Variants in CSMD2 observed in about 807,000 individuals in gnomAD.
CSMD2 encodes CUB and sushi domain-containing protein 2.
A neutral mutation model predicts 398.5 loss-of-function variants in CSMD2; 130 were observed. The ratio of observed to expected loss-of-function variants is 0.33; its 90% CI spans 0.28 to 0.38. CSMD2 has a LOEUF of 0.38. Among genes scored for constraint, CSMD2 ranks in the 10% least tolerant of loss-of-function variants. The pLI, the probability that CSMD2 is intolerant of heterozygous loss-of-function variation, is 1.00. For synonymous variants in CSMD2, 1,828 were observed against 1,908.5 expected, an observed-to-expected ratio of 0.96 and a Z score of 1.10; for missense variants, 3,829 against 4,764.9, an observed-to-expected ratio of 0.80 and a Z score of 5.78.
chr1:33,601,274 T>C (rs7512323), intron 43 of CSMD2, among the ~76,000 whole-genome samples: 22,163 of 152,130 alleles, frequency 0.15, 1,784 homozygotes, highest in African/African-American at 0.21. Flanking sequence ...TGGGCAAATT[T>C]AGGCTCCATG....
rs1031909568 is a variant in CSMD2, at chr1:33,891,895, G to A, written c.920+26199C>T. On this transcript the variant is annotated intron_variant, in intron 5 of 70. Transcript: ENST00000373381. ...AGGGGAACATCACACTCTGGGGACT[G>A]TTGTGGGGTGGGGGGAGGGGGGAGG... Among the ~76,000 whole-genome samples, 62 of 104,352 alleles carry A rather than the reference G, an allele frequency of 5.9e-4. 2 individuals are homozygous for A. In the South Asian group the frequency reaches 0.02, roughly 34 times the overall value. 68.5% of individuals were successfully genotyped at this position (104,352 alleles called of 152,430 possible). A position where few individuals can be genotyped will look rare whatever the true frequency, so the allele number is the denominator to read the frequency against.
At chr1:34,039,255 G>T (rs1570905983) in intron 2 of CSMD2, among the ~76,000 whole-genome samples, 1 of 152,146 alleles carries the variant, frequency 6.6e-6, no homozygotes, top group Non-Finnish European at 1.5e-5. Context: ...TTGGGTAGCA[G>T]TGAAGGTCAC....
intron 22 of CSMD2, among the ~76,000 whole-genome samples, chr1:33,703,913 T>C (rs760162158): frequency 6.6e-6 from 1 of 152,230 alleles, no homozygotes; most frequent in African/African-American, 2.4e-5. Context: ...TGTAAATCCT[T>C]GATCGCCATT....
At chr1:34,087,848 T>C (rs901937039) in intron 2 of CSMD2, among the ~76,000 whole-genome samples, 1 of 152,062 alleles carries the variant, frequency 6.6e-6, no homozygotes, top group Non-Finnish European at 1.5e-5. Flanking sequence ...CATGAAATAT[T>C]TGTGGAATGA....
intron 5 of CSMD2, among the ~76,000 whole-genome samples, chr1:33,896,493 C>T (rs536649508): frequency 3.3e-5 from 5 of 152,278 alleles, no homozygotes; most frequent in South Asian, 2.1e-4. Flanking sequence ...TTTAAGATTA[C>T]CCCAGCAGTC....
chr1:33,593,807 C>T (rs1470031227), intron 44 of CSMD2, among the ~76,000 whole-genome samples: 2 of 152,144 alleles, frequency 1.3e-5, no homozygotes, highest in Non-Finnish European at 2.9e-5. Flanking sequence ...TTTGTCCCTA[C>T]ATAGTTTCCT....
chr1:33,754,537 T>C (rs1456819405), intron 13 of CSMD2, among the ~76,000 whole-genome samples: 2 of 152,232 alleles, frequency 1.3e-5, no homozygotes, highest in Non-Finnish European at 2.9e-5. Flanking sequence ...AATTTCTTTA[T>C]AACAATGCAA....
intron 66 of CSMD2, 56 bp from the exon 67 acceptor site, chr1:33,523,475 C>G (rs1475200066): frequency 1.2e-6 from 1 of 813,856 alleles, no homozygotes; most frequent in African/African-American, 1.7e-5. Context: ...TTTCAAAACT[C>G]AAATTTGTGG....
At chr1:33,829,872 G>A (rs12061014) in intron 6 of CSMD2, among the ~76,000 whole-genome samples, 119,409 of 152,034 alleles carry the variant, frequency 0.79, 47,740 homozygotes, top group East Asian at 0.94. Flanking sequence ...CACCTAGCTC[G>A]GAGGGTCCTA....
At chr1:33,966,889 A>G (rs1228178907) in intron 3 of CSMD2, among the ~76,000 whole-genome samples, 2 of 152,218 alleles carry the variant, frequency 1.3e-5, no homozygotes, top group African/African-American at 4.8e-5. Flanking sequence ...GCGCCTAGAC[A>G]ACAGCTGGGA....
At chr1:33,530,108 A>C (rs551474520) in intron 64 of CSMD2, among the ~76,000 whole-genome samples, 1 of 152,298 alleles carries the variant, frequency 6.6e-6, no homozygotes, top group Admixed American at 6.5e-5. Flanking sequence ...TCAAACTGAA[A>C]AGCTTCTGCA....
chr1:33,784,283 G>T (rs111816119), intron 12 of CSMD2, among the ~76,000 whole-genome samples: 2 of 152,160 alleles, frequency 1.3e-5, no homozygotes, highest in African/African-American at 4.8e-5. Flanking sequence ...AAACCAGGAG[G>T]TGGAGGTGAT....
intron 1 of CSMD2, among the ~76,000 whole-genome samples, chr1:34,107,403 T>C (rs1660628868): frequency 6.6e-6 from 1 of 152,188 alleles, no homozygotes; most frequent in African/African-American, 2.4e-5. Context: ...TGCCAAGTAC[T>C]GTCCTACGCA....
chr1:34,140,304 A>AAAAAG lies in CSMD2; in HGVS notation c.187+24606_187+24607insCTTTT, dbSNP rs60152920. Reference sequence around the variant, plus strand: ...GGAATCGGCATATGCAAAAAAACAAACAAACAAACAAACAAAAAAAAACCC... The same window carrying AAAAAG: ...GGAATCGGCATATGCAAAAAAACAAAAAAAGCAAACAAACAAACAAAAAAAAACCC... On this transcript the variant is annotated intron_variant, in intron 1 of 70. Coordinates refer to ENST00000373381, the MANE Select transcript of CSMD2 (RefSeq NM_001281956.2). 2.6e-5 allele frequency among the ~76,000 whole-genome samples: 3 copies of AAAAAG among 117,132 alleles called. 1 individual carries two copies. The highest frequency in any genetic ancestry group is 5.8e-5 in the Non-Finnish European group (3 of 52,116). The allele number at this position is 117,132 out of a possible 152,430, so 76.8% of individuals were successfully genotyped here.
intron 5 of CSMD2, among the ~76,000 whole-genome samples, chr1:33,866,097 C>T (rs1007242447): frequency 6.6e-4 from 101 of 152,280 alleles, no homozygotes; most frequent in Non-Finnish European, 2.6e-4. Context: ...TACTCTACTG[C>T]GCTGAACAGT....
intron 37 of CSMD2, among the ~76,000 whole-genome samples, chr1:33,620,203 T>C (rs1641678577): frequency 6.6e-6 from 1 of 152,280 alleles, no homozygotes; most frequent in South Asian, 2.1e-4. Flanking sequence ...TATTGCTCCA[T>C]TTCCATTTAA....
intron 12 of CSMD2, 110 bp downstream of exon 12, chr1:33,788,490 A>G: frequency 1.6e-6 from 1 of 640,300 alleles, no homozygotes; most frequent in South Asian, 1.9e-5. Context: ...CCTGGGCAAC[A>G]GAGTGAGACT....
intron 29 of CSMD2, among the ~76,000 whole-genome samples, chr1:33,645,342 TATACACACACACACACACACACAC>T (rs1341623257): frequency 4.8e-5 from 5 of 104,220 alleles, no homozygotes; most frequent in African/African-American, 1.9e-4. Context: ...TATGGAGCAT[TATACACACACACACACACACACAC>T]ACACACACAC....
rs1252318406 is a variant in CSMD2 at position 33,693,029 on chromosome 1, T to A, written c.3953A>T (p.Glu1318Val). The change falls in exon 25 of 71, where the codon GAG (glutamate) becomes GTG (valine). Residue 1318 changes from glutamate (E) to valine (V), a missense_variant. By Grantham distance (121) the Glu-to-Val change is moderately radical. Coordinates refer to ENST00000373381, the MANE Select transcript of CSMD2 (RefSeq NM_001281956.2). ...VAECGGTVRG[E>V]VSGQVLSPGY... ...GGGTGACAGCACCTGCCCCGACACC[T>A]CTCCTCTCACTGTCCCTCCACACTC... 11 of 1,601,508 alleles carry A rather than the reference T, an allele frequency of 6.9e-6. No homozygotes were observed.
Sources: gnomAD v4.1 joint callset for allele counts (sites outside exome capture counted in the v4.1 genomes callset) on GRCh38, gnomAD v4.1.1 for gene constraint, MANE v1.5 for transcripts, NCBI Gene and HGNC (gene_info 2026-07-23, HGNC 2026-07-21) for gene names.